Variants in NRG1 observed in about 807,000 individuals in gnomAD.
NRG1 encodes the protein pro-neuregulin-1, membrane-bound isoform.
NRG1 carries 18 observed loss-of-function variants against 63.8 expected under a neutral mutation model. The observed-to-expected ratio is 0.28, with a 90% CI of 0.19 to 0.42. The LOEUF (loss-of-function observed/expected upper bound fraction) is 0.42. NRG1 is among the 10% of genes least tolerant of loss of function. The pLI is 1.00. For synonymous variants in NRG1, 302 were observed against 301.3 expected (o/e 1.00, Z -0.02); for missense variants, 762 against 814.7 (o/e 0.94, Z 0.79).
chr8:32,186,329 T>C (rs923573633), intron 1 of NRG1, among the ~76,000 whole-genome samples: 1 of 151,510 alleles, frequency 6.6e-6, no homozygotes, highest in Non-Finnish European at 1.5e-5. Flanking sequence ...GGCGTGATGG[T>C]GGGCCCCTGT....
intron 1 of NRG1, among the ~76,000 whole-genome samples, chr8:32,176,199 A>G (rs1195161541): frequency 6.6e-6 from 1 of 152,248 alleles, no homozygotes; most frequent in African/African-American, 2.4e-5. Context: ...CTGATCTTTG[A>G]CAAACCTGAG....
At chr8:32,209,723 TTCCTTC>T (rs2132375242) in intron 1 of NRG1, among the ~76,000 whole-genome samples, 1 of 88,522 alleles carries the variant, frequency 1.1e-5, no homozygotes, top group Admixed American at 1.1e-4. Flanking sequence ...CCTTCCTTCC[TTCCTTC>T]CTTCCTTCCT....
intron 1 of NRG1, among the ~76,000 whole-genome samples, chr8:32,422,088 A>G (rs1182821452): frequency 1.3e-5 from 2 of 152,178 alleles, no homozygotes; most frequent in Non-Finnish European, 2.9e-5. Context: ...CCTCATCACT[A>G]TGCAATATAT....
chr8:32,118,946 G>A (rs1255170511), intron 1 of NRG1, among the ~76,000 whole-genome samples: 1 of 152,058 alleles, frequency 6.6e-6, no homozygotes, highest in Non-Finnish European at 1.5e-5. Context: ...TGAGAAAAGA[G>A]AAAATAAAGG....
rs138575199 is a variant in NRG1, at chr8:32,714,321, G to A, written c.503-13628G>A. 2.2e-3 allele frequency among the ~76,000 whole-genome samples: 340 copies of A among 152,186 alleles called. 5 individuals carry two copies. Among genetic ancestry groups the A allele is most frequent in the African/African-American group, 7.8e-3 (323 of 41,508 alleles). On this transcript the variant is annotated intron_variant, in intron 5 of 11. Coordinates refer to ENST00000356819, the Ensembl canonical transcript of NRG1. ...GACAAATGAACAAAATGGCCAAGTA[G>A]GTGTTTAAAGGCTTAAATTGAGCAA...
chr8:32,185,014 T>G (rs1488379120), intron 1 of NRG1, among the ~76,000 whole-genome samples: 2 of 152,334 alleles, frequency 1.3e-5, no homozygotes, highest in East Asian at 1.9e-4. Context: ...CTGGAGACTT[T>G]TGTGTGTAAA....
intron 5 of NRG1, among the ~76,000 whole-genome samples, chr8:32,705,512 C>T (rs1040352674): frequency 6.6e-6 from 1 of 152,168 alleles, no homozygotes; most frequent in African/African-American, 2.4e-5. Context: ...TAGAGATGTA[C>T]AAAAGTAGAA....
chr8:31,742,867 A>G (rs1212638769), intron 1 of NRG1, among the ~76,000 whole-genome samples: 1 of 151,964 alleles, frequency 6.6e-6, no homozygotes, highest in Admixed American at 6.6e-5. Flanking sequence ...TTTCCTCCAT[A>G]TGCTGTTGAC....
intron 1 of NRG1, among the ~76,000 whole-genome samples, chr8:31,661,423 T>G (rs1805979626): frequency 6.6e-6 from 1 of 152,224 alleles, no homozygotes. Flanking sequence ...ATTTTTAACC[T>G]TATATTTCTG....
At chr8:32,546,367 C>T (rs1327676930), upstream of NRG1, among the ~76,000 whole-genome samples, 2 of 151,702 alleles carry the variant, frequency 1.3e-5, no homozygotes, top group African/African-American at 4.8e-5. Context: ...TACATCTTTG[C>T]TTTCAGTCCT....
chr8:32,148,249 G>A (rs1837115568), intron 1 of NRG1, among the ~76,000 whole-genome samples: 1 of 152,158 alleles, frequency 6.6e-6, no homozygotes, highest in African/African-American at 2.4e-5. Flanking sequence ...GACACAGCCA[G>A]TAGAGCTGAG....
At chr8:32,000,609 G>A (rs1282030662) in intron 1 of NRG1, among the ~76,000 whole-genome samples, 2 of 151,882 alleles carry the variant, frequency 1.3e-5, no homozygotes, top group African/African-American at 2.4e-5. Context: ...AAATTCATAT[G>A]AGTAAGATTA....
chr8:32,005,801 A>G (rs1434053851), intron 1 of NRG1, among the ~76,000 whole-genome samples: 1 of 152,034 alleles, frequency 6.6e-6, no homozygotes, highest in African/African-American at 2.4e-5. Context: ...TTGCTGTTAC[A>G]TAATCCATAA....
chr8:31,937,828 A>T (rs1406426972), intron 1 of NRG1, among the ~76,000 whole-genome samples: 1 of 152,052 alleles, frequency 6.6e-6, no homozygotes, highest in Non-Finnish European at 1.5e-5. Context: ...TTAGACTGGG[A>T]ACCACATCCC....
At chr8:31,900,815 A>C (rs888366460) in intron 1 of NRG1, among the ~76,000 whole-genome samples, 1 of 152,162 alleles carries the variant, frequency 6.6e-6, no homozygotes, top group Non-Finnish European at 1.5e-5. Context: ...CCATCAGAGA[A>C]ACTGCTTCAC....
intron 1 of NRG1, among the ~76,000 whole-genome samples, chr8:32,077,326 A>G (rs963830564): frequency 1.2e-4 from 18 of 152,124 alleles, no homozygotes; most frequent in African/African-American, 4.3e-4. Flanking sequence ...GAAATCGCAC[A>G]TTGCCCTCCA....
intron 1 of NRG1, among the ~76,000 whole-genome samples, chr8:32,490,304 CA>C (rs35216278): frequency 0.14 from 18,893 of 133,726 alleles, 1,377 homozygotes; most frequent in Admixed American, 0.27. Flanking sequence ...GACTCTGTCT[CA>C]AAAAAAAAAA....
chr8:32,433,792 C>G (rs903025621), intron 1 of NRG1, among the ~76,000 whole-genome samples: 1 of 152,100 alleles, frequency 6.6e-6, no homozygotes, highest in Admixed American at 6.6e-5. Context: ...CATCCTAAAC[C>G]TCACCAGGAG....
intron 1 of NRG1, among the ~76,000 whole-genome samples, chr8:31,987,693 A>T (rs1401332459): frequency 1.3e-5 from 2 of 152,028 alleles, no homozygotes; most frequent in East Asian, 3.9e-4. Context: ...AACCCCAGCA[A>T]CATGCAATTT....
Sources: allele counts gnomAD v4.1 joint callset (sites outside exome capture counted in the v4.1 genomes callset), GRCh38; gene constraint gnomAD v4.1.1; transcripts MANE v1.5; gene names NCBI Gene and HGNC (gene_info 2026-07-23, HGNC 2026-07-21).